The following PLCB1 variants were observed in gnomAD, a reference collection of about 807,000 sequenced individuals.
The protein encoded by PLCB1 is 1-phosphatidylinositol 4,5-bisphosphate phosphodiesterase beta-1.
PLCB1 carries 46 observed loss-of-function variants against 161.8 expected under a neutral mutation model. That is an observed-to-expected ratio of 0.28 (90% CI 0.22 to 0.36). The LOEUF is 0.36. PLCB1 is among the 10% of genes least tolerant of loss of function. The probability of loss-of-function intolerance (pLI) is 1.00; values close to 1 mark genes in which losing one functional copy is unlikely to be tolerated. For synonymous variants in PLCB1, 517 were observed against 503.7 expected (o/e 1.03, Z -0.35); for missense variants, 1,016 against 1,472.5 (o/e 0.69, Z 5.07).
At position 8,360,812 on chromosome 20, in the gene PLCB1, G is replaced by T. The variant is rs569683185; in HGVS notation, c.178-10570G>T. On this transcript the variant is annotated intron_variant, in intron 2 of 31. Coordinates refer to ENST00000338037, the MANE Select transcript of PLCB1 (RefSeq NM_015192.4). ...TTAAAATATCTCATTTTGGAAAATA[G>T]ATTAACTCATTACATATTCACAATG... Among the ~76,000 whole-genome samples the T allele has an allele frequency of 3.9e-5, 6 of 152,256 alleles. No individual in the cohort carries two copies. The East Asian group carries it at 1.2e-3, about 29-fold the overall frequency.
intron 31 of PLCB1, among the ~76,000 whole-genome samples, chr20:8,791,318 G>A (rs767752042): frequency 2.4e-4 from 37 of 151,786 alleles, no homozygotes; most frequent in Non-Finnish European, 4.9e-4. Flanking sequence ...ACCCTCTCAG[G>A]TTGATTATGC....
chr20:8,223,887 G>A lies in PLCB1; in HGVS notation c.177+73516G>A, dbSNP rs541170081. Among the ~76,000 whole-genome samples the A allele has an allele frequency of 1.2e-4, 19 of 152,250 alleles. No individual in the cohort carries two copies. In the East Asian group the frequency reaches 2.1e-3, roughly 17 times the overall value. On this transcript the variant is annotated intron_variant, in intron 2 of 31. Coordinates refer to ENST00000338037, the MANE Select transcript of PLCB1 (RefSeq NM_015192.4). Reference sequence around the variant, plus strand: ...CTCACCCCTACAGTGCTTGCTTGGCGTCTAGCAATTATGCACTAGAAAGCA... The same window carrying A: ...CTCACCCCTACAGTGCTTGCTTGGCATCTAGCAATTATGCACTAGAAAGCA...
At chr20:8,279,345 A>T (rs1057069140) in intron 2 of PLCB1, among the ~76,000 whole-genome samples, 1 of 152,220 alleles carries the variant, frequency 6.6e-6, no homozygotes, top group Admixed American at 6.5e-5. Context: ...TGAAGCTTGG[A>T]AACATTACAC....
At chr20:8,227,558 A>G (rs1164405558) in intron 2 of PLCB1, among the ~76,000 whole-genome samples, 1 of 152,192 alleles carries the variant, frequency 6.6e-6, no homozygotes, top group Non-Finnish European at 1.5e-5. Flanking sequence ...CCTCTCAGTG[A>G]GTCCATTTTA....
intron 3 of PLCB1, among the ~76,000 whole-genome samples, chr20:8,397,764 A>G (rs1488099435): frequency 6.6e-6 from 1 of 152,166 alleles, no homozygotes; most frequent in African/African-American, 2.4e-5. Flanking sequence ...TATAACGTCA[A>G]TACCTCTTCA....
chr20:8,472,060 A>G (rs544628447), intron 3 of PLCB1, among the ~76,000 whole-genome samples: 35 of 152,308 alleles, frequency 2.3e-4, no homozygotes, highest in Non-Finnish European at 3.5e-4. Context: ...AAACTATTCC[A>G]TATTCGTAAT....
At chr20:8,798,991 G>A (rs1014712032) in intron 31 of PLCB1, among the ~76,000 whole-genome samples, 4 of 152,124 alleles carry the variant, frequency 2.6e-5, no homozygotes, top group African/African-American at 7.2e-5. Context: ...TGTCCCTTAG[G>A]GCTGCATGGT....
intron 2 of PLCB1, among the ~76,000 whole-genome samples, chr20:8,207,842 A>G (rs1186370788): frequency 6.6e-6 from 1 of 152,148 alleles, no homozygotes; most frequent in East Asian, 1.9e-4. Context: ...GGGCCACCCA[A>G]AGCACTGGGA....
intron 2 of PLCB1, chr20:8,257,032 A>G (rs1018841046): frequency 1.3e-5 from 2 of 152,126 alleles, no homozygotes; most frequent in Admixed American, 1.3e-4. Flanking sequence ...ATCAAACCAA[A>G]TTTTTTATTT....
chr20:8,878,677 C>A (rs756812009), intron 31 of PLCB1, among the ~76,000 whole-genome samples: 25 of 152,048 alleles, frequency 1.6e-4, no homozygotes, highest in Non-Finnish European at 2.9e-4. Flanking sequence ...CAATACTCAG[C>A]CTAAGCCATT....
At chr20:8,526,138 G>A (rs1015069463) in intron 3 of PLCB1, among the ~76,000 whole-genome samples, 4 of 151,940 alleles carry the variant, frequency 2.6e-5, no homozygotes, top group Non-Finnish European at 5.9e-5. Flanking sequence ...TGATTTACAC[G>A]CTAATGATTT....
rs190357190 is a variant in PLCB1 at position 8,733,631 on chromosome 20, G to A, written c.2043+239G>A. Among the ~76,000 whole-genome samples the A allele has an allele frequency of 2.2e-3, 327 of 148,696 alleles. 3 individuals carry two copies. Among genetic ancestry groups the A allele is most frequent in the Admixed American group, 0.02 (292 of 14,970 alleles). The stretch of plus-strand genomic sequence containing the variant: ...GGGAAGGGGAACATCACACTCTGGG[G>A]ACTGTTGTGGGGTGGGGGGAGCGGG... On this transcript the variant is annotated intron_variant, in intron 19 of 31. Transcript: ENST00000338037.
At chr20:8,234,726 T>C (rs1180229119) in intron 2 of PLCB1, among the ~76,000 whole-genome samples, 4 of 152,082 alleles carry the variant, frequency 2.6e-5, no homozygotes, top group Admixed American at 2.6e-4. Context: ...TTGGCAATGG[T>C]TGATAAATTG....
chr20:8,587,694 TA>T (rs1171836100), intron 3 of PLCB1, among the ~76,000 whole-genome samples: 1 of 152,238 alleles, frequency 6.6e-6, no homozygotes. Flanking sequence ...CCTGAGATTA[TA>T]AATTTTCAGG....
chr20:8,241,317 G>A (rs1411740416), intron 2 of PLCB1, among the ~76,000 whole-genome samples: 1 of 151,932 alleles, frequency 6.6e-6, no homozygotes, highest in East Asian at 1.9e-4. Flanking sequence ...CTAATGTCAT[G>A]TTGGGTCACA....
chr20:8,709,816 G>T (rs1978894689), intron 12 of PLCB1, among the ~76,000 whole-genome samples: 1 of 152,182 alleles, frequency 6.6e-6, no homozygotes, highest in African/African-American at 2.4e-5. Flanking sequence ...TCCAATGAAT[G>T]ATGTAATCCT....
At chr20:8,756,082 G>T (rs1013217082) in intron 23 of PLCB1, among the ~76,000 whole-genome samples, 5 of 152,076 alleles carry the variant, frequency 3.3e-5, no homozygotes, top group African/African-American at 1.2e-4. Flanking sequence ...TTTTGTCAGG[G>T]TTTTTTGGGT....
chr20:8,822,514 A>G (rs1985482816), intron 31 of PLCB1, among the ~76,000 whole-genome samples: 1 of 152,182 alleles, frequency 6.6e-6, no homozygotes. Flanking sequence ...TTTTTCTTCA[A>G]TAATTCTATA....
chr20:8,573,400 C>T (rs1049141473), intron 3 of PLCB1, among the ~76,000 whole-genome samples: 14 of 152,158 alleles, frequency 9.2e-5, no homozygotes, highest in East Asian at 3.9e-4. Flanking sequence ...CTGTGTTTGC[C>T]GAAGGATGGG....
Sources: gnomAD v4.1 joint callset for allele counts (sites outside exome capture counted in the v4.1 genomes callset) on GRCh38, gnomAD v4.1.1 for gene constraint, MANE v1.5 for transcripts, NCBI Gene and HGNC (gene_info 2026-07-23, HGNC 2026-07-21) for gene names.